The following PDHX variants were observed in gnomAD, a reference collection of about 807,000 sequenced individuals.
PDHX encodes pyruvate dehydrogenase complex component X, also known as pyruvate dehydrogenase protein X component, mitochondrial.
PDHX carries 33 observed loss-of-function variants against 55.3 expected under a neutral mutation model. The ratio of observed to expected loss-of-function variants is 0.60; its 90% CI spans 0.45 to 0.80. The LOEUF is 0.80. Ranked by LOEUF, PDHX falls within the 30% of genes least tolerant of loss-of-function variation. PDHX has a pLI of 0.00. For missense variants in PDHX, 622 were observed against 619.9 expected (o/e 1.00, Z -0.04); for synonymous variants, 226 against 219.4 (o/e 1.03, Z -0.27).
At chr11:34,983,330 A>G (rs192080298) in intron 8 of PDHX, among the ~76,000 whole-genome samples, 1 of 152,336 alleles carries the variant, frequency 6.6e-6, no homozygotes, top group African/African-American at 2.4e-5. Context: ...CTGAATAGGC[A>G]AAAACTGGAA....
At position 34,995,305 on chromosome 11, in the gene PDHX, A is replaced by T. The variant is rs1305837095; in HGVS notation, c.*133A>T. 1 of 1,015,342 alleles carries T rather than the reference A, an allele frequency of 9.8e-7. No individual in the cohort carries two copies. Among genetic ancestry groups the T allele is most frequent in the East Asian group, 2.4e-5 (1 of 40,900 alleles). The allele number at this position is 1,015,342 out of a possible 1,614,324, so 62.9% of individuals were successfully genotyped here. On this transcript the variant is annotated 3_prime_UTR_variant, in exon 11 of 11. Coordinates refer to ENST00000227868, the MANE Select transcript of PDHX (RefSeq NM_003477.3). ...ATGTTTATTTATTTAAGGTGAAAGC[A>T]TTTGACCCAGGGTGTCTTCATCTTC...
chr11:34,937,355 C>T (rs187274953), intron 2 of PDHX, among the ~76,000 whole-genome samples: 493 of 151,868 alleles, frequency 3.2e-3, no homozygotes, highest in African/African-American at 0.011. Flanking sequence ...GAAAGGAAAT[C>T]ACCAAGTGTC....
Position 34,922,835 on chromosome 11 carries a change from G to A in PDHX, c.160+6020G>A, listed in dbSNP as rs75326438. 7.6e-3 allele frequency among the ~76,000 whole-genome samples: 1,139 copies of A among 150,560 alleles called. 17 individuals carry two copies. The highest frequency in any genetic ancestry group is 0.027 in the African/African-American group (1,089 of 40,802). ...GTCTTGAGCTTAATTTGCCTTTTAC[G>A]ACAAAATGTGTAAATTCCCAAAGTA... On this transcript the variant is annotated intron_variant, in intron 1 of 10. Coordinates refer to ENST00000227868, the MANE Select transcript of PDHX (RefSeq NM_003477.3).
intron 2 of PDHX, among the ~76,000 whole-genome samples, chr11:34,944,498 A>G (rs1002021532): frequency 6.6e-6 from 1 of 152,156 alleles, no homozygotes; most frequent in African/African-American, 2.4e-5. Flanking sequence ...TTAGGTGGTA[A>G]ATAAATATCA....
rs1855319234 is a variant in PDHX at position 34,974,266 on chromosome 11, A to G, written c.965-3858A>G. On this transcript the variant is annotated intron_variant, in intron 7 of 10. Coordinates refer to ENST00000227868, the MANE Select transcript of PDHX (RefSeq NM_003477.3). ...CATCATATTAGTGGGATCATATAGT[A>G]CTTGTCCTTTTGTGACTGGCTTATT... 2.0e-5 allele frequency among the ~76,000 whole-genome samples: 3 copies of G among 152,188 alleles called. No homozygotes were observed. The South Asian group carries it at 6.2e-4, about 32-fold the overall frequency.
chr11:34,984,473 A>C lies in PDHX; in HGVS notation c.1024-97A>C, dbSNP rs558421787. ...TTTATTTATTTTCTCTTATCTAGCT[A>C]TGTTCACTTTGGAAAATGCACAATG... On this transcript the variant is annotated intron_variant, in intron 8 of 10. Coordinates refer to ENST00000227868, the MANE Select transcript of PDHX (RefSeq NM_003477.3). 851 of 987,724 alleles carry C rather than the reference A, an allele frequency of 8.6e-4. 10 individuals carry two copies. The South Asian group carries it at 0.01, about 12-fold the overall frequency. The allele number at this position is 987,724 out of a possible 1,614,324, so 61.2% of individuals were successfully genotyped here.
chr11:34,969,831 TG>T (rs751957370), intron 6 of PDHX, among the ~76,000 whole-genome samples: 17 of 152,276 alleles, frequency 1.1e-4, no homozygotes, highest in Non-Finnish European at 2.2e-4. Context: ...GTGAAGGAAT[TG>T]TTCATTATTT....
In PDHX at chr11:34,984,732, T is replaced by G; in HGVS notation, c.1182+4T>G. ...GGAAATTGCTGACTCTGTAAAGGTATGTCTTAAGAAAGAGTGTGCTTTCAA... is the reference window on the plus strand; with the variant it reads ...GGAAATTGCTGACTCTGTAAAGGTAGGTCTTAAGAAAGAGTGTGCTTTCAA... On this transcript the variant is annotated splice_donor_region_variant and intron_variant, in intron 9 of 10. Coordinates refer to ENST00000227868, the MANE Select transcript of PDHX (RefSeq NM_003477.3). 1 of 1,613,462 alleles carries G rather than the reference T, an allele frequency of 6.2e-7. No homozygotes were observed. The highest frequency in any genetic ancestry group is 1.3e-5 in the African/African-American group (1 of 75,058).
intron 8 of PDHX, among the ~76,000 whole-genome samples, chr11:34,982,866 C>T (rs1333090570): frequency 6.6e-6 from 1 of 152,214 alleles, no homozygotes; most frequent in Non-Finnish European, 1.5e-5. Context: ...TGTTACCATT[C>T]CTTCTGAAAC....
chr11:34,925,509 G>A (rs2915198), intron 1 of PDHX, among the ~76,000 whole-genome samples: 119,401 of 152,104 alleles, frequency 0.78, 47,010 homozygotes, highest in East Asian at 0.83. Flanking sequence ...ATTAACAAAA[G>A]CAAACAGCAC....
chr11:34,970,742 T>C (rs111511964), intron 7 of PDHX, among the ~76,000 whole-genome samples: 2 of 152,292 alleles, frequency 1.3e-5, no homozygotes, highest in South Asian at 2.1e-4. Context: ...GAAGTCCTCA[T>C]TGGAGCTTTT....
intron 7 of PDHX, among the ~76,000 whole-genome samples, chr11:34,971,765 GTTATC>G (rs1565165423): frequency 1.3e-5 from 2 of 151,872 alleles, no homozygotes; most frequent in African/African-American, 4.8e-5. Context: ...TTTCAGATTT[GTTATC>G]TTATCTAGTG....
intron 8 of PDHX, among the ~76,000 whole-genome samples, chr11:34,981,197 G>T (rs935630412): frequency 2.0e-5 from 3 of 151,772 alleles, no homozygotes; most frequent in Admixed American, 2.0e-4. Flanking sequence ...CCCTTTCCCT[G>T]TGTCCATGTG....
At chr11:34,969,875 T>G (rs1048380171) in intron 6 of PDHX, among the ~76,000 whole-genome samples, 28 of 152,336 alleles carry the variant, frequency 1.8e-4, no homozygotes, top group African/African-American at 6.5e-4. Context: ...TTAAATATAG[T>G]AACATAAGAT....
intron 9 of PDHX, among the ~76,000 whole-genome samples, chr11:34,990,937 T>C (rs1413011174): frequency 6.6e-6 from 1 of 152,202 alleles, no homozygotes; most frequent in African/African-American, 2.4e-5. Context: ...ATTAAGTAAA[T>C]TCCACATTTA....
intron 1 of PDHX, among the ~76,000 whole-genome samples, chr11:34,931,184 G>A (rs1854155263): frequency 6.6e-6 from 1 of 152,080 alleles, no homozygotes; most frequent in Non-Finnish European, 1.5e-5. Context: ...TGAAAACAGA[G>A]TTTAAAATAT....
At chr11:34,980,128 C>T (rs944707894) in intron 8 of PDHX, among the ~76,000 whole-genome samples, 1 of 130,038 alleles carries the variant, frequency 7.7e-6, no homozygotes, top group African/African-American at 2.7e-5. Context: ...AATTTAGATT[C>T]CCAAACTTAC....
intron 8 of PDHX, among the ~76,000 whole-genome samples, chr11:34,978,624 CAGAG>C (rs1256824790): frequency 1.3e-5 from 2 of 152,050 alleles, no homozygotes; most frequent in African/African-American, 2.4e-5. Flanking sequence ...CCTGAGAAAA[CAGAG>C]GGAGTGAGCC....
intron 6 of PDHX, among the ~76,000 whole-genome samples, chr11:34,967,099 G>A (rs1022273376): frequency 6.6e-5 from 10 of 152,044 alleles, no homozygotes; most frequent in South Asian, 2.1e-4. Context: ...TGATCCACCC[G>A]CCTTGGCCTC....
Sources: allele counts gnomAD v4.1 joint callset (sites outside exome capture counted in the v4.1 genomes callset), GRCh38; gene constraint gnomAD v4.1.1; transcripts MANE v1.5; gene names NCBI Gene and HGNC (gene_info 2026-07-23, HGNC 2026-07-21).